Variants in P4HB observed in about 807,000 individuals in gnomAD.
The protein encoded by P4HB is prolyl 4-hydroxylase subunit beta, also known as protein disulfide-isomerase.
In P4HB, 20 loss-of-function variants were observed where a neutral mutation model predicts 52.6. The observed-to-expected ratio is 0.38, with a 90% confidence interval of 0.27 to 0.55. The LOEUF is 0.55. P4HB is among the 20% of genes least tolerant of loss of function. The pLI is 0.74. For synonymous variants in P4HB, 296 were observed against 277.9 expected (o/e 1.07, Z -0.65); for missense variants, 601 against 669.2 (o/e 0.90, Z 1.12).
chr17:81,848,574 A>G (rs1598265296), intron 4 of P4HB, among the ~76,000 whole-genome samples: 1 of 151,914 alleles, frequency 6.6e-6, no homozygotes, highest in East Asian at 1.9e-4. Context: ...CATCTCTACT[A>G]AAAATACAAA....
rs778569548 is a variant in P4HB, at chr17:81,847,203, CCT to C, written c.729+38_729+39del. The C allele has an allele frequency of 1.9e-6, 3 of 1,606,080 alleles. No individual in the cohort carries two copies. In the East Asian group the frequency reaches 6.7e-5, roughly 36 times the overall value. On this transcript the variant is annotated intron_variant, in intron 5 of 10. Transcript: ENST00000331483. ...AGCCTCATGCCACCCCCAACCCACT[CCT>C]CCCCATCCCCAGCCTGGGGGCTGCA...
intron 10 of P4HB, 82 bp downstream of exon 10, chr17:81,845,062 C>T: frequency 1.7e-6 from 2 of 1,187,748 alleles, no homozygotes; most frequent in Non-Finnish European, 2.5e-6. Context: ...ATTCCCATCA[C>T]AAGCCGAGCC....
At chr17:81,845,004 T>G (rs1336556923) in intron 10 of P4HB, 140 bp downstream of exon 10, 6 of 668,906 alleles carry the variant, frequency 9.0e-6, no homozygotes, top group Non-Finnish European at 1.6e-5. Flanking sequence ...TGGGCGAAGG[T>G]GTGGGGCCCC....
At chr17:81,850,508 G>C (rs2038812505) in intron 4 of P4HB, among the ~76,000 whole-genome samples, 1 of 150,512 alleles carries the variant, frequency 6.6e-6, no homozygotes, top group African/African-American at 2.5e-5. Flanking sequence ...ACTGAGTTTT[G>C]CTCTTGTTTC....
At chr17:81,859,922 A>G (rs1438219624) in intron 1 of P4HB, 1 of 181,336 alleles carries the variant, frequency 5.5e-6, no homozygotes, top group African/African-American at 2.4e-5. Context: ...GACGTGAGGA[A>G]GGCTTGGGAT....
chr17:81,856,217 AG>A (rs1489667730), intron 2 of P4HB, among the ~76,000 whole-genome samples: 3 of 151,334 alleles, frequency 2.0e-5, no homozygotes, highest in Non-Finnish European at 4.4e-5. Flanking sequence ...CCCAGGTTAG[AG>A]TGCAGTGGCA....
intron 1 of P4HB, chr17:81,860,113 C>G: frequency 2.5e-6 from 1 of 406,026 alleles, no homozygotes. Context: ...TCCTGCCGTG[C>G]GCAGGGCGGG....
rs2038979893 is a variant in P4HB, at chr17:81,860,340, C to G, written c.132G>C (p.Leu44=). ...CCCGGCGCTCACAGAACTCCACCAG[C>G]AGGTACTTGTGGGCCGCCAGCGCCT... is the stretch of plus-strand genomic sequence containing the variant. The part of the protein sequence containing the change: ...FAEALAAHKY[L]LVEFYAPWCG... Residue 44 remains leucine, a synonymous_variant, in exon 1 of 11, where the codon CTG becomes CTC. Transcript: ENST00000331483. 1 of 1,471,492 alleles carries G rather than the reference C, an allele frequency of 6.8e-7. No individual in the cohort carries two copies. The highest frequency in any genetic ancestry group is 9.0e-7 in the Non-Finnish European group (1 of 1,110,478). The allele number at this position is 1,471,492 out of a possible 1,614,324, so 91.2% of individuals were successfully genotyped here.
intron 2 of P4HB, among the ~76,000 whole-genome samples, chr17:81,857,986 A>G (rs1057256144): frequency 2.0e-5 from 3 of 152,272 alleles, no homozygotes; most frequent in Admixed American, 1.3e-4. Context: ...AAAAGTGAAC[A>G]TGAGTAAAAA....
intron 4 of P4HB, among the ~76,000 whole-genome samples, chr17:81,851,491 G>A (rs190130149): frequency 1.3e-5 from 2 of 152,346 alleles, no homozygotes; most frequent in Non-Finnish European, 2.9e-5. Context: ...GGGCAAAGGC[G>A]GGTAAGGAGA....
chr17:81,845,784 C>T lies in P4HB; in HGVS notation c.1178-42G>A, dbSNP rs765294380. ...TCTAGGGTGTGTCCTGGACACAAAG[C>T]CACTGGCAGACGCTTCCCCAGGAGT... On this transcript the variant is annotated intron_variant, in intron 8 of 10. Transcript: ENST00000331483. The T allele has an allele frequency of 2.5e-6, 4 of 1,612,534 alleles. No individual in the cohort carries two copies. In the South Asian group the frequency reaches 4.4e-5, roughly 18 times the overall value.
At position 81,860,500 on chromosome 17, in the gene P4HB, G is replaced by A. The variant is rs559067392; in HGVS notation, c.-29C>T. Reference sequence around the variant, plus strand: ...GGACACGGATCAGGCGGGGCGCTTCGGTTGGCGCCGCCGGGACAGCGGGGG... The same window carrying A: ...GGACACGGATCAGGCGGGGCGCTTCAGTTGGCGCCGCCGGGACAGCGGGGG... On this transcript the variant is annotated 5_prime_UTR_variant, in exon 1 of 11. Transcript: ENST00000331483. 8.3e-5 allele frequency: 103 copies of A among 1,245,212 alleles called. No individual in the cohort carries two copies. The highest frequency in any genetic ancestry group is 4.4e-4 in the African/African-American group (28 of 64,232). The allele number at this position is 1,245,212 out of a possible 1,614,324, so 77.1% of individuals were successfully genotyped here. A position where few individuals can be genotyped will look rare whatever the true frequency, so the allele number is the denominator to read the frequency against.
Position 81,845,165 on chromosome 17 carries a change from C to A in P4HB, c.1425G>T (p.Gln475His). 1 of 1,613,750 alleles carries A rather than the reference C, an allele frequency of 6.2e-7. No individual in the cohort carries two copies. The highest frequency in any genetic ancestry group is 2.2e-5 in the East Asian group (1 of 44,882). Residue 475 changes from glutamine to histidine, a missense_variant, in exon 10 of 11, where the codon CAG becomes CAT. Transcript: ENST00000331483. Reference sequence around the variant, plus strand: ...TCACGTCATCATCCCCTGCCCCATCCTGGCCACCGCTCTCCAGGAATTTCT... The same window carrying A: ...TCACGTCATCATCCCCTGCCCCATCATGGCCACCGCTCTCCAGGAATTTCT... ...GFKKFLESGGQDGAGDDDDLE... is the reference protein window; with the variant it reads ...GFKKFLESGGHDGAGDDDDLE...
Position 81,860,456 on chromosome 17 carries a change from G to C in P4HB, c.16C>G (p.Leu6Val). The C allele has an allele frequency of 2.2e-6, 3 of 1,356,508 alleles. No homozygotes were observed. Among genetic ancestry groups the C allele is most frequent in the Non-Finnish European group, 2.9e-6 (3 of 1,050,692 alleles). 84.0% of individuals were successfully genotyped at this position (1,356,508 alleles called of 1,614,324 possible). The change falls in exon 1 of 11, where the codon CTG becomes GTG. Residue 6 changes from leucine to valine, a missense_variant. Transcript: ENST00000331483. The stretch of plus-strand genomic sequence containing the variant: ...AGGGCGGCCACGGCCAGGCACAGCA[G>C]AGCGCGGCGCAGCATGTCGGACACG... MLRRA[L>V]LCLAVAALVR...
chr17:81,855,793 G>A lies in P4HB; in HGVS notation c.353-207C>T. 1.9e-6 allele frequency: 1 copy of A among 539,672 alleles called. No individual in the cohort carries two copies. The highest frequency in any genetic ancestry group is 3.2e-6 in the Non-Finnish European group (1 of 307,804). 33.4% of individuals were successfully genotyped at this position (539,672 alleles called of 1,614,324 possible). A position where few individuals can be genotyped will look rare whatever the true frequency, so the allele number is the denominator to read the frequency against. ...CGTGAGACTGTGGTTGTGTTTATGG[G>A]GAGTGGAGAGGGAAGAGGGTGATTC... On this transcript the variant is annotated intron_variant, in intron 2 of 10. Transcript: ENST00000331483. This position sits in a 1 kb window ranked among gnomAD's most constrained non-coding sequence, Gnocchi z 4.3.
intron 1 of P4HB, chr17:81,860,005 C>T: frequency 4.3e-6 from 1 of 234,428 alleles, no homozygotes; most frequent in South Asian, 1.4e-4. Flanking sequence ...GGGGCGCCTT[C>T]CGGGTCGGCC....
rs530812930 is a variant in P4HB, at chr17:81,853,429, T to C, written c.624+1713A>G. Among the ~76,000 whole-genome samples, 14 of 151,996 alleles carry C rather than the reference T, an allele frequency of 9.2e-5. No homozygotes were observed. The East Asian group carries it at 2.7e-3, about 29-fold the overall frequency. On this transcript the variant is annotated intron_variant, in intron 4 of 10. Transcript: ENST00000331483. Reference sequence around the variant, plus strand: ...CTACTAAAAATACAAAAAAATTAGCTGGGTGTGGTGGCGGGTGCCCTGTAG... The same window carrying C: ...CTACTAAAAATACAAAAAAATTAGCCGGGTGTGGTGGCGGGTGCCCTGTAG...
At chr17:81,857,612 A>G (rs2038931536) in intron 2 of P4HB, among the ~76,000 whole-genome samples, 1 of 151,928 alleles carries the variant, frequency 6.6e-6, no homozygotes, top group Non-Finnish European at 1.5e-5. Flanking sequence ...CGCCCACCTG[A>G]CTCCCGCGCC....
In P4HB at chr17:81,846,940, A is replaced by G; in HGVS notation, c.855+7T>C. 1 of 1,613,686 alleles carries G rather than the reference A, an allele frequency of 6.2e-7. No individual in the cohort carries two copies. ...CGCCCCACGAGCCACCCAGAAGAGC[A>G]GCTCACCTTGCCCTTGAAGCTCTCG... On this transcript the variant is annotated splice_region_variant and intron_variant, in intron 6 of 10. Transcript: ENST00000331483. The surrounding 1 kb of genome is among the most constrained non-coding windows in gnomAD (Gnocchi z 5.7).
Sources: gnomAD v4.1 joint callset for allele counts (sites outside exome capture counted in the v4.1 genomes callset) on GRCh38, gnomAD v4.1.1 for gene constraint, Gnocchi (gnomAD v3.1) non-coding constraint, MANE v1.5 for transcripts, NCBI Gene and HGNC (gene_info 2026-07-23, HGNC 2026-07-21) for gene names.